PAXIP1: variants seen among roughly 807,000 people sequenced by gnomAD.
PAXIP1 encodes the protein PAX interacting protein 1, also known as PAX-interacting protein 1.
PAXIP1 carries 19 observed loss-of-function variants against 140.6 expected under a neutral mutation model. That is an observed-to-expected ratio of 0.14 (90% CI 0.09 to 0.20). The LOEUF is 0.20. Among genes scored for constraint, PAXIP1 ranks in the 10% least tolerant of loss-of-function variants. PAXIP1 has a pLI of 1.00. For synonymous variants in PAXIP1, 442 were observed against 444.6 expected (o/e 0.99, Z 0.07); for missense variants, 920 against 1,208.6 (o/e 0.76, Z 3.54).
Position 154,954,028 on chromosome 7 carries a change from T to C in PAXIP1, c.2821+227A>G, listed in dbSNP as rs547636355. Among the ~76,000 whole-genome samples the C allele has an allele frequency of 3.3e-5, 5 of 152,278 alleles. No individual in the cohort carries two copies. The South Asian group carries it at 1.0e-3, about 32-fold the overall frequency. On this transcript the variant is annotated intron_variant, in intron 16 of 20. Coordinates refer to ENST00000404141, the MANE Select transcript of PAXIP1 (RefSeq NM_007349.4). The surrounding 1 kb of genome is among the most constrained non-coding windows in gnomAD (Gnocchi z 5.1). ...AATAAAAAGAGGGATATAGAGGTTG[T>C]TTTCCCCCTAATATTGTCCAATTTA...
chr7:155,002,466 C>G (rs1301123968), intron 1 of PAXIP1, among the ~76,000 whole-genome samples: 1 of 152,022 alleles, frequency 6.6e-6, no homozygotes, highest in East Asian at 1.9e-4. Flanking sequence ...CGGAGCTGCT[C>G]TCCCGGGAGC....
At chr7:154,969,663 C>CTAG in intron 6 of PAXIP1, among the ~76,000 whole-genome samples, 1 of 152,344 alleles carries the variant, frequency 6.6e-6, no homozygotes, top group Non-Finnish European at 1.5e-5. Flanking sequence ...AGCCCAGAGT[C>CTAG]TAGTAAACAA....
intron 5 of PAXIP1, among the ~76,000 whole-genome samples, chr7:154,977,606 A>G (rs929812868): frequency 1.1e-4 from 17 of 152,226 alleles, no homozygotes; most frequent in African/African-American, 3.9e-4. Context: ...TTTTTAAAAT[A>G]TAAGAAAAAC....
rs754259148 is a variant in PAXIP1, at chr7:154,944,016, C to T, written c.*133G>A. On this transcript the variant is annotated 3_prime_UTR_variant, in exon 21 of 21. Coordinates refer to ENST00000404141, the MANE Select transcript of PAXIP1 (RefSeq NM_007349.4). ...CAGTATATTTATTATATCTGTCTTCCTGCTTCACAGTCTGATCCCCCAGGA... is the reference window on the plus strand; with the variant it reads ...CAGTATATTTATTATATCTGTCTTCTTGCTTCACAGTCTGATCCCCCAGGA... 5 of 786,452 alleles carry T rather than the reference C, an allele frequency of 6.4e-6. No individual in the cohort carries two copies. The Admixed American group carries it at 1.0e-4, about 16-fold the overall frequency. The allele number at this position is 786,452 out of a possible 1,614,324, so 48.7% of individuals were successfully genotyped here. A position where few individuals can be genotyped will look rare whatever the true frequency, so the allele number is the denominator to read the frequency against.
intron 8 of PAXIP1, chr7:154,965,301 C>T: frequency 6.6e-6 from 1 of 152,356 alleles, no homozygotes. Flanking sequence ...CCGCTGGCAT[C>T]CTGACTGCAA....
intron 13 of PAXIP1, 67 bp downstream of exon 13, chr7:154,959,823 C>A: frequency 1.0e-6 from 1 of 977,422 alleles, no homozygotes. Context: ...TTTATGAAGA[C>A]AAATACATCC....
intron 2 of PAXIP1, among the ~76,000 whole-genome samples, chr7:154,996,446 G>A (rs1810616320): frequency 6.6e-6 from 1 of 152,218 alleles, no homozygotes; most frequent in African/African-American, 2.4e-5. Flanking sequence ...GATAATCCTA[G>A]ATGCTAACTG....
chr7:154,995,967 C>T (rs1362091906), intron 2 of PAXIP1, among the ~76,000 whole-genome samples: 3 of 152,118 alleles, frequency 2.0e-5, no homozygotes, highest in Non-Finnish European at 4.4e-5. Flanking sequence ...CCCAAAGAAG[C>T]AAGTTTTAAA....
intron 16 of PAXIP1, among the ~76,000 whole-genome samples, chr7:154,952,352 C>T (rs765360582): frequency 2.6e-5 from 4 of 152,172 alleles, no homozygotes; most frequent in African/African-American, 9.7e-5. Context: ...CGTTCCTAGC[C>T]GGGAGGAACA....
Position 154,943,917 on chromosome 7 carries a change from G to C in PAXIP1, c.*232C>G, listed in dbSNP as rs1807804180. ...GCAAATGAATCATAAAACCTAATGT[G>C]GGCTCTTAAAGTCATATAATACAAA... On this transcript the variant is annotated 3_prime_UTR_variant, in exon 21 of 21. Coordinates refer to ENST00000404141, the MANE Select transcript of PAXIP1 (RefSeq NM_007349.4). 1 of 491,654 alleles carries C rather than the reference G, an allele frequency of 2.0e-6. No homozygotes were observed. The highest frequency in any genetic ancestry group is 2.0e-5 in the African/African-American group (1 of 51,020). 30.5% of individuals were successfully genotyped at this position (491,654 alleles called of 1,614,324 possible). A position where few individuals can be genotyped will look rare whatever the true frequency, so the allele number is the denominator to read the frequency against.
chr7:154,985,776 T>A (rs1039416184), intron 4 of PAXIP1, among the ~76,000 whole-genome samples: 2 of 152,164 alleles, frequency 1.3e-5, no homozygotes, highest in African/African-American at 4.8e-5. Context: ...CTTACAGGAT[T>A]TTCTCCTTGT....
At chr7:154,979,055 T>C (rs1341585249) in intron 5 of PAXIP1, among the ~76,000 whole-genome samples, 1 of 152,184 alleles carries the variant, frequency 6.6e-6, no homozygotes, top group African/African-American at 2.4e-5. Context: ...TAGTTTTTAA[T>C]CACTGAAAGA....
chr7:154,976,316 C>A lies in PAXIP1; in HGVS notation c.454G>T (p.Ala152Ser). The change falls in exon 6 of 21, where the codon GCT becomes TCT. Residue 152 changes from alanine (A) to serine (S), a missense_variant. Ala to Ser is a moderately conservative substitution (Grantham distance 99). Around this residue, in one of 5 missense-constraint regions of PAXIP1, gnomAD observed 419 missense variants for 514.7 expected, o/e 0.81. Coordinates refer to ENST00000404141, the MANE Select transcript of PAXIP1 (RefSeq NM_007349.4). ...ATTTTAATACTTGCTCGCTTTAAAGCACATTCGTATTTCTCCTACGAGGAA... is the reference window on the plus strand; with the variant it reads ...ATTTTAATACTTGCTCGCTTTAAAGAACATTCGTATTTCTCCTACGAGGAA... ...PEPKGEKYEC[A>S]LKRASIKIVT... The A allele has an allele frequency of 6.3e-7, 1 of 1,587,782 alleles. No individual in the cohort carries two copies. The highest frequency in any genetic ancestry group is 1.1e-5 in the South Asian group (1 of 86,960).
In PAXIP1 at chr7:154,944,150, C is replaced by T. The variant is rs1433021710; in HGVS notation, c.3209G>A (p.Ter1070=). The change falls in exon 21 of 21, where the codon TGA becomes TAA. Residue 1070 remains the stop codon, a stop_retained_variant. Transcript: ENST00000404141. ...ACATGCACGGCAGCCTAGACGCCAT[C>T]AGTTAAACTTATATGTAGGCTTGTT... ...TLDYESYKFN[*] is the part of the protein sequence containing the mutation. 7.4e-6 allele frequency: 12 copies of T among 1,611,004 alleles called. No homozygotes were observed. In the East Asian group the frequency reaches 2.7e-4, roughly 36 times the overall value.
intron 2 of PAXIP1, among the ~76,000 whole-genome samples, chr7:154,995,653 C>T (rs561721767): frequency 1.3e-5 from 2 of 152,098 alleles, no homozygotes; most frequent in Non-Finnish European, 2.9e-5. Flanking sequence ...GGTTCGAGAC[C>T]AGCCTGGCCA....
intron 8 of PAXIP1, among the ~76,000 whole-genome samples, chr7:154,966,726 C>T (rs902267575): frequency 1.3e-5 from 2 of 152,230 alleles, no homozygotes; most frequent in African/African-American, 4.8e-5. Context: ...GCCAGCCACA[C>T]AGTCATCTCC....
chr7:154,945,447 G>A (rs1254139220), intron 20 of PAXIP1: 2 of 662,104 alleles, frequency 3.0e-6, no homozygotes, highest in Admixed American at 1.3e-4. Flanking sequence ...TAATTACCTG[G>A]ATGAAACAGG....
At position 154,946,811 on chromosome 7, in the gene PAXIP1, T is replaced by C; in HGVS notation, c.2925A>G (p.Ala975=). The C allele has an allele frequency of 6.3e-7, 1 of 1,579,996 alleles. No individual in the cohort carries two copies. The highest frequency in any genetic ancestry group is 2.3e-5 in the East Asian group (1 of 43,044). Residue 975 remains alanine, a splice_region_variant and synonymous_variant, in exon 18 of 21, where the codon GCA becomes GCG. Transcript: ENST00000404141. The surrounding 1 kb of genome is among the most constrained non-coding windows in gnomAD (Gnocchi z 4.9). ...KRAHVSPLFK[A]KYFYITPGIC... ...TTCCAGGTGTGATGTAAAAATATTT[T>C]GCCTAAAATTAAATGAAAATATATG...
rs376295802 is a variant in PAXIP1 at position 154,944,127 on chromosome 7, A to G, written c.*22T>C. ...CCAGCCCCGCACCGCAGGAGTCGACATGCACGGCAGCCTAGACGCCATCAG... is the reference window on the plus strand; with the variant it reads ...CCAGCCCCGCACCGCAGGAGTCGACGTGCACGGCAGCCTAGACGCCATCAG... On this transcript the variant is annotated 3_prime_UTR_variant, in exon 21 of 21. Transcript: ENST00000404141. The G allele has an allele frequency of 1.2e-4, 200 of 1,612,362 alleles. No individual in the cohort carries two copies. The African/African-American group carries it at 2.3e-3, about 18-fold the overall frequency.
Sources: allele counts gnomAD v4.1 joint callset (sites outside exome capture counted in the v4.1 genomes callset), GRCh38; gene constraint gnomAD v4.1.1; regional missense constraint gnomAD v4.1.1; non-coding constraint Gnocchi (gnomAD v3.1); transcripts MANE v1.5; gene names NCBI Gene and HGNC (gene_info 2026-07-23, HGNC 2026-07-21).